The following BMPR1B variants were observed in gnomAD, a reference collection of about 807,000 sequenced individuals.
BMPR1B encodes bone morphogenetic protein receptor type-1B.
A neutral mutation model predicts 59.1 loss-of-function variants in BMPR1B; 12 were observed. The observed-to-expected ratio is 0.20, with a 90% CI of 0.13 to 0.33. BMPR1B has a LOEUF of 0.33. Ranked by LOEUF, BMPR1B falls within the 10% of genes least tolerant of loss-of-function variation. The probability of loss-of-function intolerance (pLI) is 1.00; values close to 1 mark genes in which losing one functional copy is unlikely to be tolerated. For missense variants in BMPR1B, 550 were observed against 610.9 expected, an observed-to-expected ratio of 0.90 and a Z score of 1.05; for synonymous variants, 237 against 207.3, an observed-to-expected ratio of 1.14 and a Z score of -1.23.
intron 1 of BMPR1B, among the ~76,000 whole-genome samples, chr4:94,802,394 T>C (rs895437920): frequency 1.3e-5 from 2 of 152,104 alleles, no homozygotes; most frequent in African/African-American, 4.8e-5. Flanking sequence ...TTTGTTTTGT[T>C]TTTTAGGGAT....
chr4:94,973,138 C>T (rs1730880583), intron 2 of BMPR1B, among the ~76,000 whole-genome samples: 1 of 152,134 alleles, frequency 6.6e-6, no homozygotes, highest in Non-Finnish European at 1.5e-5. Flanking sequence ...GCCTATGACC[C>T]CCTGAAACCC....
chr4:94,910,365 A>G (rs998980124), intron 2 of BMPR1B, among the ~76,000 whole-genome samples: 1 of 152,074 alleles, frequency 6.6e-6, no homozygotes, highest in African/African-American at 2.4e-5. Flanking sequence ...AAAATACACC[A>G]TGTCTCAGGT....
At chr4:95,053,320 T>TGTGTGTGTGTGTGTGTGTGA (rs1484287370) in intron 3 of BMPR1B, among the ~76,000 whole-genome samples, 1 of 142,812 alleles carries the variant, frequency 7.0e-6, no homozygotes, top group South Asian at 2.3e-4. Flanking sequence ...TGTGTGTGTG[T>TGTGTGTGTGTGTGTGTGTGA]GTGATGTGCC....
intron 2 of BMPR1B, among the ~76,000 whole-genome samples, chr4:94,968,583 A>G (rs1372957242): frequency 3.3e-5 from 5 of 152,116 alleles, no homozygotes; most frequent in African/African-American, 9.7e-5. Flanking sequence ...AAGTGAGTTT[A>G]TACTTCTTAA....
rs28463939 is a variant in BMPR1B at position 94,860,477 on chromosome 4, T to A, written c.-182-15354T>A. Among the ~76,000 whole-genome samples the A allele has an allele frequency of 7.5e-3, 1,139 of 152,324 alleles. 17 individuals carry two copies. Among genetic ancestry groups the A allele is most frequent in the African/African-American group, 0.026 (1,090 of 41,576 alleles). On this transcript the variant is annotated intron_variant, in intron 1 of 12. Coordinates refer to ENST00000515059, the MANE Select transcript of BMPR1B (RefSeq NM_001203.3). ...CCTACATCTGGAAAAGCAGTTTTTA[T>A]GTAATAAGGTTGCTTAAATATCCAT...
chr4:94,814,010 A>ATATACAGGT (rs1305966833), intron 1 of BMPR1B, among the ~76,000 whole-genome samples: 2 of 152,198 alleles, frequency 1.3e-5, no homozygotes, highest in African/African-American at 2.4e-5. Flanking sequence ...ACTGCCAAGT[A>ATATACAGGT]GGCAGCTGTA....
intron 2 of BMPR1B, among the ~76,000 whole-genome samples, chr4:94,912,119 C>T (rs1267985176): frequency 6.6e-6 from 1 of 151,974 alleles, no homozygotes; most frequent in Non-Finnish European, 1.5e-5. Flanking sequence ...ACTGTTAGAT[C>T]TCGTGAGACT....
intron 10 of BMPR1B, among the ~76,000 whole-genome samples, chr4:95,144,432 G>A (rs1734484519): frequency 6.6e-6 from 1 of 151,658 alleles, no homozygotes; most frequent in Admixed American, 6.6e-5. Context: ...ACCTGCCTTG[G>A]CCTCCCAAAA....
At chr4:94,895,636 G>T (rs572691022) in intron 2 of BMPR1B, among the ~76,000 whole-genome samples, 1 of 151,320 alleles carries the variant, frequency 6.6e-6, no homozygotes, top group Admixed American at 6.6e-5. Context: ...TAATTATTAA[G>T]AAATATCTTG....
intron 1 of BMPR1B, among the ~76,000 whole-genome samples, chr4:94,851,219 G>A (rs1725556531): frequency 6.6e-6 from 1 of 152,190 alleles, no homozygotes; most frequent in Non-Finnish European, 1.5e-5. Context: ...AGAGGGGTAT[G>A]CTGGATTTCC....
At chr4:94,951,547 T>A (rs1396530046) in intron 2 of BMPR1B, among the ~76,000 whole-genome samples, 1 of 152,172 alleles carries the variant, frequency 6.6e-6, no homozygotes, top group Non-Finnish European at 1.5e-5. Context: ...CTTTTTGTCA[T>A]TGGTTCTGTT....
At chr4:94,783,754 G>A (rs867162020) in intron 1 of BMPR1B, among the ~76,000 whole-genome samples, 1 of 152,198 alleles carries the variant, frequency 6.6e-6, no homozygotes, top group Non-Finnish European at 1.5e-5. Context: ...GCTGTTGCTG[G>A]GTGTAGAGCG....
At chr4:94,870,589 G>A (rs746413766) in intron 1 of BMPR1B, among the ~76,000 whole-genome samples, 8 of 152,044 alleles carry the variant, frequency 5.3e-5, no homozygotes, top group Non-Finnish European at 1.0e-4. Flanking sequence ...TGGAGAATTG[G>A]GAATAATAAT....
At chr4:94,813,964 T>A (rs1165464129) in intron 1 of BMPR1B, among the ~76,000 whole-genome samples, 1 of 152,154 alleles carries the variant, frequency 6.6e-6, no homozygotes, top group Non-Finnish European at 1.5e-5. Context: ...GTTTTGAGCA[T>A]CTTAAGTTGC....
chr4:94,943,692 A>G (rs1212073489), intron 2 of BMPR1B, among the ~76,000 whole-genome samples: 1 of 152,208 alleles, frequency 6.6e-6, no homozygotes, highest in Non-Finnish European at 1.5e-5. Context: ...ATTGTTTCTC[A>G]TGCTCTTCGT....
chr4:94,922,557 T>G (rs1443279149), intron 2 of BMPR1B, among the ~76,000 whole-genome samples: 3 of 152,210 alleles, frequency 2.0e-5, no homozygotes, highest in Non-Finnish European at 4.4e-5. Flanking sequence ...GGTTATAAGA[T>G]TGCAAAATCT....
chr4:95,139,696 C>T (rs562483085), intron 10 of BMPR1B, among the ~76,000 whole-genome samples: 83 of 151,476 alleles, frequency 5.5e-4, no homozygotes, highest in Non-Finnish European at 7.4e-4. Context: ...GCTCCATGGG[C>T]GTGGGACCCT....
At chr4:94,901,310 A>C (rs185392320) in intron 2 of BMPR1B, among the ~76,000 whole-genome samples, 1 of 151,974 alleles carries the variant, frequency 6.6e-6, no homozygotes, top group Non-Finnish European at 1.5e-5. Context: ...GTTTTGTGAA[A>C]ATTTTGTTTA....
At chr4:94,877,432 A>T (rs975106578) in intron 2 of BMPR1B, among the ~76,000 whole-genome samples, 2 of 152,214 alleles carry the variant, frequency 1.3e-5, no homozygotes, top group African/African-American at 4.8e-5. Flanking sequence ...AACCAATCAG[A>T]TGGATTGGCC....
Sources: gnomAD v4.1 joint callset for allele counts (sites outside exome capture counted in the v4.1 genomes callset) on GRCh38, gnomAD v4.1.1 for gene constraint, MANE v1.5 for transcripts, NCBI Gene and HGNC (gene_info 2026-07-23, HGNC 2026-07-21) for gene names.